PCDHGA2: variants seen among roughly 807,000 people sequenced by gnomAD.
PCDHGA2 encodes protocadherin gamma subfamily A, 2.
In PCDHGA2, 40 loss-of-function variants were observed where a neutral mutation model predicts 59.2. The observed-to-expected ratio is 0.68, with a 90% CI of 0.52 to 0.88. The LOEUF (loss-of-function observed/expected upper bound fraction) is 0.88. PCDHGA2 is among the 40% of genes least tolerant of loss of function. The pLI, the probability that PCDHGA2 is intolerant of heterozygous loss-of-function variation, is 0.00. For missense variants in PCDHGA2, 1,226 were observed against 1,204.0 expected, an observed-to-expected ratio of 1.02 and a Z score of -0.27; for synonymous variants, 560 against 526.0, an observed-to-expected ratio of 1.06 and a Z score of -0.89.
intron 1 of PCDHGA2, chr5:141,410,304 T>C (rs1232480024): frequency 6.2e-7 from 1 of 1,614,024 alleles, no homozygotes; most frequent in Non-Finnish European, 8.5e-7. Context: ...TTAATCTCAG[T>C]GCTCTTCCTC....
chr5:141,493,641 G>A lies in PCDHGA2; in HGVS notation c.2425-1166G>A, dbSNP rs547664603. Among the ~76,000 whole-genome samples, 2 of 152,240 alleles carry A rather than the reference G, an allele frequency of 1.3e-5. No individual in the cohort carries two copies. The highest frequency in any genetic ancestry group is 3.9e-4 in the East Asian group (2 of 5,172). On this transcript the variant is annotated intron_variant, in intron 1 of 3. Coordinates refer to ENST00000394576, the MANE Select transcript of PCDHGA2 (RefSeq NM_018915.4). The surrounding 1 kb of genome is among the most constrained non-coding windows in gnomAD (Gnocchi z 4.3). The stretch of plus-strand genomic sequence containing the variant: ...CTAAGAATACAGTGGCTGAGGGCTG[G>A]CCATCCCTGTGCCCTTCTCCATGGC...
intron 1 of PCDHGA2, chr5:141,352,703 A>G (rs775340897): frequency 1.7e-5 from 26 of 1,547,670 alleles, no homozygotes; most frequent in Admixed American, 7.8e-5. Flanking sequence ...AATTTTATAT[A>G]TGGCGGCCGG....
chr5:141,427,887 C>G, intron 1 of PCDHGA2: 1 of 1,565,908 alleles, frequency 6.4e-7, no homozygotes, highest in South Asian at 1.1e-5. Flanking sequence ...GGCCCACGAC[C>G]AGGGCTCGCC....
intron 1 of PCDHGA2, chr5:141,415,759 T>TTG (rs2095938229): frequency 3.7e-6 from 5 of 1,352,054 alleles, no homozygotes; most frequent in Non-Finnish European, 4.8e-6. Flanking sequence ...TTTTTTTTTT[T>TTG]TTTTTTTTTT....
intron 1 of PCDHGA2, among the ~76,000 whole-genome samples, chr5:141,460,270 C>T (rs1223096441): frequency 6.6e-6 from 1 of 151,828 alleles, no homozygotes; most frequent in Non-Finnish European, 1.5e-5. Context: ...TTTATTTTTT[C>T]TTTTATAGTT....
chr5:141,356,586 T>C (rs898846586), intron 1 of PCDHGA2: 1 of 1,614,058 alleles, frequency 6.2e-7, no homozygotes, highest in African/African-American at 1.3e-5. Context: ...CTTACATTCC[T>C]GAAAACAACC....
chr5:141,422,719 CA>C (rs2096667277), intron 1 of PCDHGA2: 1 of 1,604,786 alleles, frequency 6.2e-7, no homozygotes, highest in Admixed American at 1.7e-5. Flanking sequence ...TGACACTGTC[CA>C]GGGGGTGCCT....
intron 1 of PCDHGA2, among the ~76,000 whole-genome samples, chr5:141,444,942 A>C (rs1272061494): frequency 6.6e-6 from 1 of 152,082 alleles, no homozygotes; most frequent in Non-Finnish European, 1.5e-5. Flanking sequence ...AGGAGGGAGG[A>C]GGATCATCTT....
intron 1 of PCDHGA2, chr5:141,361,115 T>C: frequency 6.2e-7 from 1 of 1,614,046 alleles, no homozygotes; most frequent in Non-Finnish European, 8.5e-7. Context: ...CCTGGAGATC[T>C]AGCAGCCCAC....
chr5:141,421,476 C>A, intron 1 of PCDHGA2: 2 of 1,614,158 alleles, frequency 1.2e-6, no homozygotes, highest in Non-Finnish European at 1.7e-6. Context: ...CGCGAAGCGG[C>A]AGCTTGATCA....
chr5:141,402,714 T>G (rs1024254405), intron 1 of PCDHGA2, among the ~76,000 whole-genome samples: 2 of 152,220 alleles, frequency 1.3e-5, no homozygotes, highest in African/African-American at 4.8e-5. Flanking sequence ...TAGTAACGGC[T>G]TAGGACTCTG....
At chr5:141,422,782 C>CG in intron 1 of PCDHGA2, 1 of 1,614,090 alleles carries the variant, frequency 6.2e-7, no homozygotes, top group South Asian at 1.1e-5. Context: ...CTATGCCCTA[C>CG]AATCCTTCGA....
chr5:141,372,041 C>T (rs779511565), intron 1 of PCDHGA2: 1 of 1,613,492 alleles, frequency 6.2e-7, no homozygotes, highest in South Asian at 1.1e-5. Flanking sequence ...TGAGCCTGCG[C>T]GTGTTGGTGG....
At chr5:141,417,772 C>A (rs2240701) in intron 1 of PCDHGA2, 340,590 of 1,455,726 alleles carry the variant, frequency 0.23, 43,476 homozygotes, top group African/African-American at 0.5. Flanking sequence ...GGGACTCCTC[C>A]TGTCCTGGGC....
chr5:141,497,954 G>A (rs1203635313), intron 2 of PCDHGA2, among the ~76,000 whole-genome samples: 7 of 152,198 alleles, frequency 4.6e-5, no homozygotes, highest in Non-Finnish European at 1.5e-5. Context: ...CTTTCTGTTG[G>A]CCAGGCAGTG....
intron 1 of PCDHGA2, chr5:141,492,005 C>A (rs1444993907): frequency 3.1e-6 from 2 of 642,268 alleles, no homozygotes; most frequent in African/African-American, 3.8e-5. Flanking sequence ...GGGCGATTTC[C>A]GCGGGTGTCG....
At chr5:141,417,882 G>A (rs1170069976) in intron 1 of PCDHGA2, 8 of 1,560,746 alleles carry the variant, frequency 5.1e-6, no homozygotes, top group African/African-American at 1.4e-5. Flanking sequence ...TGCGCGCAGA[G>A]GCGCCGGGCC....
At chr5:141,352,326 T>A in intron 1 of PCDHGA2, 1 of 1,614,058 alleles carries the variant, frequency 6.2e-7, no homozygotes, top group Non-Finnish European at 8.5e-7. Flanking sequence ...TTTTACCTGG[T>A]TGTGGCCTTG....
At chr5:141,454,087 T>A (rs1251936767) in intron 1 of PCDHGA2, among the ~76,000 whole-genome samples, 4 of 152,198 alleles carry the variant, frequency 2.6e-5, no homozygotes, top group Non-Finnish European at 5.9e-5. Context: ...TCAGTGAAAT[T>A]TGAATTGAAC....
Sources: allele counts gnomAD v4.1 joint callset (sites outside exome capture counted in the v4.1 genomes callset), GRCh38; gene constraint gnomAD v4.1.1; non-coding constraint Gnocchi (gnomAD v3.1); transcripts MANE v1.5; gene names NCBI Gene and HGNC (gene_info 2026-07-23, HGNC 2026-07-21).